ZNF484: variants seen among roughly 807,000 people sequenced by gnomAD.
The protein encoded by ZNF484 is KRAB box containing C2H2 type zinc finger bA526D8.4.
A neutral mutation model predicts 12.9 loss-of-function variants in ZNF484; 11 were observed. The observed-to-expected ratio is 0.85, with a 90% CI of 0.54 to 1.41. The LOEUF is 1.41. Ranked by LOEUF, ZNF484 falls within the 40% of genes most tolerant of loss-of-function variation. The pLI is 0.00. For synonymous variants in ZNF484, 289 were observed against 334.1 expected, an observed-to-expected ratio of 0.86 and a Z score of 1.47; for missense variants, 807 against 1,007.7, an observed-to-expected ratio of 0.80 and a Z score of 2.70.
chr9:92,857,713 C>T (rs993271674), intron 2 of ZNF484, among the ~76,000 whole-genome samples: 4 of 152,282 alleles, frequency 2.6e-5, no homozygotes, highest in African/African-American at 9.6e-5. Flanking sequence ...TCTCCCTTCC[C>T]TCCATTTGCT....
rs561771108 is a variant in ZNF484 at position 92,851,259 on chromosome 9, G to A, written c.236-2708C>T. Among the ~76,000 whole-genome samples the A allele has an allele frequency of 7.2e-4, 110 of 152,306 alleles. 1 individual carries two copies. Among genetic ancestry groups the A allele is most frequent in the African/African-American group, 2.5e-3 (102 of 41,568 alleles). ...GAAGCTGGCAATGCCCTAGGGCAGG[G>A]GTCAGAAAACTGAAGCCCTTGGGCC... On this transcript the variant is annotated intron_variant, in intron 4 of 4. Transcript: ENST00000375495.
rs532692411 is a variant in ZNF484, at chr9:92,846,337, G to C, written c.2450C>G (p.Pro817Arg). The C allele has an allele frequency of 6.2e-6, 10 of 1,614,078 alleles. No individual in the cohort carries two copies. In the East Asian group the frequency reaches 2.2e-4, roughly 36 times the overall value. Residue 817 changes from proline to arginine, a missense_variant, in exon 5 of 5, where the codon CCA becomes CGA. By Grantham distance (103) the Pro-to-Arg change is moderately radical. Transcript: ENST00000375495. Reference protein sequence around the residue: ...SDLGKALNWKPQLSMPQKSDN... With the variant: ...SDLGKALNWKRQLSMPQKSDN... ...AGATTTCTGAGGCATACTGAGTTGT[G>C]GCTTCCAGTTTAAGGCTTTCCCCAA... is the stretch of plus-strand genomic sequence containing the variant.
chr9:92,873,719 GA>G (rs1857601168), intron 2 of ZNF484, among the ~76,000 whole-genome samples: 2 of 152,092 alleles, frequency 1.3e-5, no homozygotes, highest in South Asian at 2.1e-4. Context: ...TATAGAAAAA[GA>G]AAACACAAAC....
At chr9:92,877,790 T>C (rs1857927272) in intron 1 of ZNF484, 100 bp downstream of exon 1, 2 of 1,535,578 alleles carry the variant, frequency 1.3e-6, no homozygotes, top group South Asian at 1.2e-5. Context: ...ACTTCCACTA[T>C]TCCATCCACT....
rs372216166 is a variant in ZNF484, at chr9:92,845,280, GAAGAA to G, written c.*943_*947del. The G allele has an allele frequency of 5.9e-5, 9 of 152,198 alleles. No homozygotes were observed. The highest frequency in any genetic ancestry group is 4.1e-4 in the South Asian group (2 of 4,820). 9.4% of individuals were successfully genotyped at this position (152,198 alleles called of 1,614,324 possible). A position where few individuals can be genotyped will look rare whatever the true frequency, so the allele number is the denominator to read the frequency against. On this transcript the variant is annotated 3_prime_UTR_variant, in exon 5 of 5. Coordinates refer to ENST00000375495, the MANE Select transcript of ZNF484 (RefSeq NM_031486.4). This position sits in a 1 kb window ranked among gnomAD's most constrained non-coding sequence, Gnocchi z 4.0. ...AACACAGTTCTTTCAGTATTTGATAGAAGAAAAGACAAAAAAGTCTATTCAAATAC... is the reference window on the plus strand; with the variant it reads ...AACACAGTTCTTTCAGTATTTGATAGAAGACAAAAAAGTCTATTCAAATAC...
At chr9:92,866,216 G>C (rs1358351875) in intron 2 of ZNF484, among the ~76,000 whole-genome samples, 2 of 152,082 alleles carry the variant, frequency 1.3e-5, no homozygotes, top group Admixed American at 1.3e-4. Context: ...TAAATCATAT[G>C]CATGTATTAC....
intron 2 of ZNF484, among the ~76,000 whole-genome samples, chr9:92,865,492 G>A (rs547156020): frequency 6.6e-6 from 1 of 152,294 alleles, no homozygotes; most frequent in Admixed American, 6.5e-5. Flanking sequence ...GGCTAAAATT[G>A]TAAAGATTGA....
In ZNF484 at chr9:92,856,234, T is replaced by C. The variant is rs1856443456; in HGVS notation, c.100A>G (p.Arg34Gly). The C allele has an allele frequency of 1.2e-6, 2 of 1,613,934 alleles. No individual in the cohort carries two copies. The highest frequency in any genetic ancestry group is 2.7e-5 in the African/African-American group (2 of 74,906). The change falls in exon 3 of 5, where the codon AGA becomes GGA. Residue 34 changes from arginine (R) to glycine (G), a missense_variant. By Grantham distance (125) the Arg-to-Gly change is moderately radical (BLOSUM62 -2). Transcript: ENST00000375495. Reference sequence around the variant, plus strand: ...AAATAGTTTTCCAGCATCACTTCTCTGTACAGGCTTTTCTGAGCAAGGTCT... The same window carrying C: ...AAATAGTTTTCCAGCATCACTTCTCCGTACAGGCTTTTCTGAGCAAGGTCT... ...QLDLAQKSLY[R>G]EVMLENYFNL...
chr9:92,872,153 C>T (rs1470088357), intron 2 of ZNF484, among the ~76,000 whole-genome samples: 11 of 149,690 alleles, frequency 7.3e-5, no homozygotes, highest in Admixed American at 6.1e-4. Flanking sequence ...ATCGCTGGAA[C>T]CCGGAAGGCG....
rs1855502494 is a variant in ZNF484 at position 92,844,991 on chromosome 9, T to C, written c.*1237A>G. The C allele has an allele frequency of 6.6e-6, 1 of 152,182 alleles. No homozygotes were observed. The allele number at this position is 152,182 out of a possible 1,614,324, so 9.4% of individuals were successfully genotyped here. On this transcript the variant is annotated 3_prime_UTR_variant, in exon 5 of 5. Transcript: ENST00000375495. ...TATAAGAGACAAATAAATGAAATTA[T>C]AATGTTATAACTTCTCCCCTTGTCC...
rs761595934 is a variant in ZNF484 at position 92,847,190 on chromosome 9, A to G, written c.1597T>C (p.Phe533Leu). Residue 533 changes from phenylalanine to leucine, a missense_variant, in exon 5 of 5, where the codon TTC (phenylalanine) becomes CTC (leucine). Physicochemically the swap from Phe to Leu is conservative, Grantham distance 22 (BLOSUM62 0). Transcript: ENST00000375495. Reference protein sequence around the residue: ...PYKCSDCGKSFTWKSRLRIHQ... With the variant: ...PYKCSDCGKSLTWKSRLRIHQ... Reference sequence around the variant, plus strand: ...ATCCTGAGCCGAGACTTCCAGGTGAATGATTTTCCACAGTCGCTGCATTTA... The same window carrying G: ...ATCCTGAGCCGAGACTTCCAGGTGAGTGATTTTCCACAGTCGCTGCATTTA... 1 of 1,614,124 alleles carries G rather than the reference A, an allele frequency of 6.2e-7. No individual in the cohort carries two copies. The highest frequency in any genetic ancestry group is 8.5e-7 in the Non-Finnish European group (1 of 1,180,016).
intron 4 of ZNF484, among the ~76,000 whole-genome samples, chr9:92,850,649 T>TCTCGGCTCACTGCAAC (rs1326712673): frequency 6.6e-6 from 1 of 152,190 alleles, no homozygotes; most frequent in Non-Finnish European, 1.5e-5. Context: ...AATGGCGCGA[T>TCTCGGCTCACTGCAAC]CTCGGCTCAC....
chr9:92,848,012 C>T lies in ZNF484; in HGVS notation c.775G>A (p.Val259Ile). 2 of 1,614,178 alleles carry T rather than the reference C, an allele frequency of 1.2e-6. No homozygotes were observed. The highest frequency in any genetic ancestry group is 1.3e-5 in the African/African-American group (1 of 75,038). ...AAGGCATGTGACTTCGGGGAGAAAA[C>T]ATTTACGTAGTCAGAAAACAAATAG... ...SLYLFSDYVN[V>I]FSPKSHAFAH... The change falls in exon 5 of 5, where the codon GTT (valine) becomes ATT (isoleucine). Residue 259 changes from valine (V) to isoleucine (I), a missense_variant. Transcript: ENST00000375495. The surrounding 1 kb of genome is among the most constrained non-coding windows in gnomAD (Gnocchi z 4.1).
At chr9:92,853,646 C>G (rs1374046358) in intron 4 of ZNF484, among the ~76,000 whole-genome samples, 2 of 152,202 alleles carry the variant, frequency 1.3e-5, no homozygotes, top group Non-Finnish European at 1.5e-5. Flanking sequence ...GCCCTTACAC[C>G]TGCCTCTAAA....
chr9:92,863,284 G>GA (rs1856884629), intron 2 of ZNF484, among the ~76,000 whole-genome samples: 1 of 107,076 alleles, frequency 9.3e-6, no homozygotes, highest in Non-Finnish European at 1.8e-5. Flanking sequence ...TGGGGGGTGG[G>GA]AGAGCATTAG....
In ZNF484 at chr9:92,847,744, C is replaced by A. The variant is rs1267338940; in HGVS notation, c.1043G>T (p.Arg348Ile). 1.9e-6 allele frequency: 3 copies of A among 1,613,686 alleles called. No individual in the cohort carries two copies. Among genetic ancestry groups the A allele is most frequent in the African/African-American group, 2.7e-5 (2 of 74,930 alleles). ...ATAAGGTTTTTCTCCAGAATGAATT[C>A]TCTGGCATCTGAACAGATCTGACTT... is the stretch of plus-strand genomic sequence containing the variant. ...IQKSDLFRCQRIHSGEKPYEY... is the reference protein window; with the variant it reads ...IQKSDLFRCQIIHSGEKPYEY... The change falls in exon 5 of 5, where the codon AGA (arginine) becomes ATA (isoleucine). Residue 348 changes from arginine to isoleucine, a missense_variant. Arg to Ile is a moderately conservative substitution (Grantham distance 97). Transcript: ENST00000375495.
chr9:92,847,265 T>C lies in ZNF484; in HGVS notation c.1522A>G (p.Arg508Gly). 3 of 1,614,192 alleles carry C rather than the reference T, an allele frequency of 1.9e-6. No individual in the cohort carries two copies. In the African/African-American group the frequency reaches 4.0e-5, roughly 22 times the overall value. The change falls in exon 5 of 5, where the codon AGG becomes GGG. Residue 508 changes from arginine to glycine, a missense_variant. By Grantham distance (125) the Arg-to-Gly change is moderately radical. Coordinates refer to ENST00000375495, the MANE Select transcript of ZNF484 (RefSeq NM_031486.4). The part of the protein sequence containing the change: ...CTVCGKAFTD[R>G]SNLIKHQKIH... Reference sequence around the variant, plus strand: ...TTTTGGTGCTTAATGAGATTTGACCTGTCAGTAAAGGCCTTACCACACACA... The same window carrying C: ...TTTTGGTGCTTAATGAGATTTGACCCGTCAGTAAAGGCCTTACCACACACA...
At chr9:92,850,748 T>C (rs1856024504) in intron 4 of ZNF484, among the ~76,000 whole-genome samples, 1 of 152,066 alleles carries the variant, frequency 6.6e-6, no homozygotes, top group Non-Finnish European at 1.5e-5. Context: ...CATACATGTA[T>C]TTGTAAAAAT....
chr9:92,847,635 A>C lies in ZNF484; in HGVS notation c.1152T>G (p.Phe384Leu). The C allele has an allele frequency of 1.2e-6, 2 of 1,613,922 alleles. No individual in the cohort carries two copies. The highest frequency in any genetic ancestry group is 1.7e-6 in the Non-Finnish European group (2 of 1,180,002). Residue 384 changes from phenylalanine to leucine, a missense_variant, in exon 5 of 5, where the codon TTT becomes TTG. Phe to Leu is a conservative substitution (Grantham distance 22, BLOSUM62 0). Transcript: ENST00000375495. Reference protein sequence around the residue: ...HKKIHTGGKHFECTECGKAFT... With the variant: ...HKKIHTGGKHLECTECGKAFT... The stretch of plus-strand genomic sequence containing the variant: ...AAGCTTTTCCACATTCAGTACATTC[A>C]AAGTGTTTCCCTCCAGTATGAATTT...
Sources: gnomAD v4.1 joint callset for allele counts (sites outside exome capture counted in the v4.1 genomes callset) on GRCh38, gnomAD v4.1.1 for gene constraint, Gnocchi (gnomAD v3.1) non-coding constraint, MANE v1.5 for transcripts, NCBI Gene and HGNC (gene_info 2026-07-23, HGNC 2026-07-21) for gene names.